The following FRMD3 variants were observed in gnomAD, a reference collection of about 807,000 sequenced individuals.
FRMD3 encodes FERM domain containing 3, also known as FERM domain-containing protein 3.
FRMD3 carries 33 observed loss-of-function variants against 70.2 expected under a neutral mutation model. That is an observed-to-expected ratio of 0.47 (90% CI 0.36 to 0.63). The LOEUF (loss-of-function observed/expected upper bound fraction) is 0.63. Ranked by LOEUF, FRMD3 falls within the 20% of genes least tolerant of loss-of-function variation. The pLI is 0.00. For missense variants in FRMD3, 632 were observed against 711.4 expected, an observed-to-expected ratio of 0.89 and a Z score of 1.27; for synonymous variants, 279 against 255.9, an observed-to-expected ratio of 1.09 and a Z score of -0.86.
intron 1 of FRMD3, among the ~76,000 whole-genome samples, chr9:83,474,500 T>C (rs984015583): frequency 6.6e-6 from 1 of 152,100 alleles, no homozygotes; most frequent in Non-Finnish European, 1.5e-5. Context: ...AGGCAAACAA[T>C]GATCTCTCAC....
chr9:83,570,816 G>A, the FRMD3 span, among the ~76,000 whole-genome samples: 12 of 152,288 alleles, frequency 7.9e-5, no homozygotes, highest in Admixed American at 2.6e-4. Flanking sequence ...GTTAGGAATC[G>A]GCTTCCGTAA....
rs1587746982 is a variant in FRMD3 at position 83,343,375 on chromosome 9, C to T, written c.375-88G>A. Reference sequence around the variant, plus strand: ...TGTTCATGCTTAGCTCCCATGGTGACCAGAGCTTTTCCCAGCTCTAGAGAC... The same window carrying T: ...TGTTCATGCTTAGCTCCCATGGTGATCAGAGCTTTTCCCAGCTCTAGAGAC... On this transcript the variant is annotated intron_variant, in intron 4 of 13. Coordinates refer to ENST00000304195, the MANE Select transcript of FRMD3 (RefSeq NM_174938.6). 1.8e-5 allele frequency: 16 copies of T among 880,762 alleles called. No homozygotes were observed. The East Asian group carries it at 4.1e-4, about 22-fold the overall frequency. 54.6% of individuals were successfully genotyped at this position (880,762 alleles called of 1,614,324 possible).
At chr9:83,343,381 C>T (rs746193341) in intron 4 of FRMD3, 94 bp from the exon 5 acceptor site, 1 of 825,524 alleles carries the variant, frequency 1.2e-6, no homozygotes, top group Non-Finnish European at 2.0e-6. Flanking sequence ...GTGACCAGAG[C>T]TTTTCCCAGC....
At chr9:83,285,497 C>T (rs948502190) in intron 13 of FRMD3, among the ~76,000 whole-genome samples, 1 of 152,104 alleles carries the variant, frequency 6.6e-6, no homozygotes, top group Non-Finnish European at 1.5e-5. Flanking sequence ...ATATTTTCAA[C>T]TCTTATTTAT....
At chr9:83,460,174 G>T (rs1461479685) in intron 1 of FRMD3, among the ~76,000 whole-genome samples, 2 of 152,084 alleles carry the variant, frequency 1.3e-5, no homozygotes, top group African/African-American at 4.8e-5. Flanking sequence ...CCCTGCCTCA[G>T]TATCCCCACT....
At chr9:83,503,365 G>A (rs762966725) in intron 1 of FRMD3, among the ~76,000 whole-genome samples, 5 of 152,180 alleles carry the variant, frequency 3.3e-5, no homozygotes, top group Non-Finnish European at 7.3e-5. Context: ...CTGGCTTGAT[G>A]TTAGAGAGGG....
At position 83,398,547 on chromosome 9, in the gene FRMD3, C is replaced by T. The variant is rs570813534; in HGVS notation, c.148-8839G>A. On this transcript the variant is annotated intron_variant, in intron 1 of 13. Transcript: ENST00000304195. ...CAAGATTTGGGAAAAATGAAATATG[C>T]CTAATGCTAAATGACGAGTTAATGG... Among the ~76,000 whole-genome samples, 3 of 152,184 alleles carry T rather than the reference C, an allele frequency of 2.0e-5. No homozygotes were observed. The East Asian group carries it at 5.8e-4, about 29-fold the overall frequency.
chr9:83,449,442 A>C lies in FRMD3; in HGVS notation c.148-59734T>G, dbSNP rs146315064. Among the ~76,000 whole-genome samples, 182 of 152,298 alleles carry C rather than the reference A, an allele frequency of 1.2e-3. 2 individuals carry two copies. The East Asian group carries it at 0.024, about 21-fold the overall frequency. ...AGCTTCCTGGTTGAACTCTGAGGTCATGGGGTTTATTGTATTTACATGAAG... is the reference window on the plus strand; with the variant it reads ...AGCTTCCTGGTTGAACTCTGAGGTCCTGGGGTTTATTGTATTTACATGAAG... On this transcript the variant is annotated intron_variant, in intron 1 of 13. Coordinates refer to ENST00000304195, the MANE Select transcript of FRMD3 (RefSeq NM_174938.6).
chr9:83,248,518 T>G lies in FRMD3; in HGVS notation c.1196-2A>C. On this transcript the variant is annotated splice_acceptor_variant, in intron 13 of 13. Coordinates refer to ENST00000304195, the MANE Select transcript of FRMD3 (RefSeq NM_174938.6). LOFTEE classifies it high-confidence loss of function. ...TCTCCTCTTTAGGCAATGGAACACC[T>G]GTAAAGAGACATTTTTTTTTCTAAA... The G allele has an allele frequency of 6.5e-7, 1 of 1,547,368 alleles. No individual in the cohort carries two copies.
intron 13 of FRMD3, among the ~76,000 whole-genome samples, chr9:83,250,418 G>A (rs4877249): frequency 0.25 from 37,308 of 152,000 alleles, 5,049 homozygotes; most frequent in Admixed American, 0.33. Flanking sequence ...TACATACTCT[G>A]GCCCCAGGAT....
intron 2 of FRMD3, among the ~76,000 whole-genome samples, chr9:83,375,285 G>A (rs1825107135): frequency 6.6e-6 from 1 of 152,192 alleles, no homozygotes; most frequent in South Asian, 2.1e-4. Flanking sequence ...TCCTAAATAA[G>A]TTATTTACTC....
intron 1 of FRMD3, among the ~76,000 whole-genome samples, chr9:83,487,373 G>A (rs529204026): frequency 3.7e-4 from 57 of 152,252 alleles, no homozygotes; most frequent in Admixed American, 1.0e-3. Context: ...CTATCTCACA[G>A]AATAAGAAAG....
Position 83,245,110 on chromosome 9 carries a change from AT to A in FRMD3, c.*2807del. 1 of 985,330 alleles carries A rather than the reference AT, an allele frequency of 1.0e-6. No individual in the cohort carries two copies. Among genetic ancestry groups the A allele is most frequent in the African/African-American group, 1.7e-5 (1 of 57,368 alleles). The allele number at this position is 985,330 out of a possible 1,614,324, so 61.0% of individuals were successfully genotyped here. A position where few individuals can be genotyped will look rare whatever the true frequency, so the allele number is the denominator to read the frequency against. ...GAGAAGAACCAATAATACATCTCAAATTCCTCAATTAGGGCAAAATAAGCAC... is the reference window on the plus strand; with the variant it reads ...GAGAAGAACCAATAATACATCTCAAATCCTCAATTAGGGCAAAATAAGCAC... On this transcript the variant is annotated 3_prime_UTR_variant, in exon 14 of 14. Transcript: ENST00000304195.
At chr9:83,343,120 G>A (rs868703750) in intron 5 of FRMD3, 70 bp downstream of exon 5, 1 of 1,117,660 alleles carries the variant, frequency 8.9e-7, no homozygotes. Flanking sequence ...GGGTGGGAGA[G>A]AAGGGAGGCT....
the FRMD3 span, among the ~76,000 whole-genome samples, chr9:83,566,148 G>T: frequency 2.0e-5 from 3 of 152,176 alleles, no homozygotes; most frequent in Non-Finnish European, 2.9e-5. Context: ...CATGGCTGGG[G>T]AGGCCTCAGA....
At chr9:83,495,389 C>A (rs1828922142) in intron 1 of FRMD3, among the ~76,000 whole-genome samples, 1 of 152,112 alleles carries the variant, frequency 6.6e-6, no homozygotes, top group Non-Finnish European at 1.5e-5. Flanking sequence ...GGGACAGAGC[C>A]AGACTGGAGC....
At chr9:83,456,959 A>G (rs1330916228) in intron 1 of FRMD3, among the ~76,000 whole-genome samples, 1 of 151,476 alleles carries the variant, frequency 6.6e-6, no homozygotes, top group Non-Finnish European at 1.5e-5. Flanking sequence ...CAGCCTGGGC[A>G]TCACAGTAAG....
At chr9:83,390,166 C>T (rs987982668) in intron 1 of FRMD3, among the ~76,000 whole-genome samples, 1 of 152,130 alleles carries the variant, frequency 6.6e-6, no homozygotes, top group Non-Finnish European at 1.5e-5. Flanking sequence ...CATTTTATAT[C>T]GGAGGAAACT....
chr9:83,487,830 T>G (rs908694594), intron 1 of FRMD3, among the ~76,000 whole-genome samples: 11 of 152,192 alleles, frequency 7.2e-5, no homozygotes, highest in Admixed American at 5.2e-4. Flanking sequence ...CTTGGGATTT[T>G]GGTACGAGGG....
Sources: gnomAD v4.1 joint callset for allele counts (sites outside exome capture counted in the v4.1 genomes callset) on GRCh38, gnomAD v4.1.1 for gene constraint, MANE v1.5 for transcripts, NCBI Gene and HGNC (gene_info 2026-07-23, HGNC 2026-07-21) for gene names.